The following DCDC1 variants were observed in gnomAD, a reference collection of about 807,000 sequenced individuals.
The protein encoded by DCDC1 is doublecortin domain-containing protein 1.
Under a neutral mutation model 178.3 loss-of-function variants are expected in DCDC1, and 200 were observed. That is an observed-to-expected ratio of 1.12 (90% CI 1.00 to 1.26). The LOEUF is 1.26. Ranked by LOEUF, DCDC1 falls within the 50% of genes most tolerant of loss-of-function variation. The pLI is 0.00. For missense variants in DCDC1, 1,983 were observed against 1,749.2 expected, an observed-to-expected ratio of 1.13 and a Z score of -2.38; for synonymous variants, 690 against 604.8, an observed-to-expected ratio of 1.14 and a Z score of -2.07.
chr11:30,950,534 T>A (rs542277259), intron 21 of DCDC1, among the ~76,000 whole-genome samples: 4 of 152,246 alleles, frequency 2.6e-5, no homozygotes, highest in East Asian at 1.9e-4. Flanking sequence ...AAGAATGCAA[T>A]CCTGTCATTT....
At chr11:31,061,865 G>T (rs1955938395) in intron 20 of DCDC1, among the ~76,000 whole-genome samples, 2 of 152,008 alleles carry the variant, frequency 1.3e-5, no homozygotes, top group African/African-American at 4.8e-5. Flanking sequence ...TAGGTCTTCT[G>T]GTATGGCAGC....
Position 31,046,276 on chromosome 11 carries a change from G to T in DCDC1, c.2591+18193C>A, listed in dbSNP as rs542842982. Among the ~76,000 whole-genome samples the T allele has an allele frequency of 4.8e-4, 73 of 152,204 alleles. 1 individual carries two copies. Among genetic ancestry groups the T allele is most frequent in the African/African-American group, 1.7e-3 (69 of 41,558 alleles). ...CTGTGGTTCATACAAGTTGTTGTGT[G>T]TCTCAAGAGTTTATTCCTTCTTAAT... On this transcript the variant is annotated intron_variant, in intron 20 of 38. Coordinates refer to ENST00000684477, the MANE Select transcript of DCDC1 (RefSeq NM_001387274.1).
chr11:31,132,968 A>T (rs1309912203), intron 10 of DCDC1, among the ~76,000 whole-genome samples: 1 of 152,236 alleles, frequency 6.6e-6, no homozygotes, highest in Non-Finnish European at 1.5e-5. Flanking sequence ...AGGTTTTTGC[A>T]TAACATGTAG....
At chr11:30,929,894 A>T (rs1439917785) in intron 22 of DCDC1, among the ~76,000 whole-genome samples, 3 of 152,084 alleles carry the variant, frequency 2.0e-5, no homozygotes, top group Non-Finnish European at 1.5e-5. Context: ...CGACTAAGTA[A>T]TGAACAAATA....
chr11:31,030,324 A>G (rs973575371), intron 20 of DCDC1, among the ~76,000 whole-genome samples: 4 of 152,134 alleles, frequency 2.6e-5, no homozygotes, highest in Admixed American at 6.6e-5. Flanking sequence ...CAGTTGGTAG[A>G]CATAAATTAA....
intron 9 of DCDC1, among the ~76,000 whole-genome samples, chr11:31,201,155 A>G (rs975972539): frequency 2.0e-5 from 3 of 152,058 alleles, no homozygotes; most frequent in Non-Finnish European, 4.4e-5. Context: ...TAAATGCCCA[A>G]TGGATAAATG....
Position 31,300,731 on chromosome 11 carries a change from C to T in DCDC1, c.754+4884G>A, listed in dbSNP as rs141210064. Among the ~76,000 whole-genome samples the T allele has an allele frequency of 1.1e-4, 16 of 152,106 alleles. No individual in the cohort carries two copies. The East Asian group carries it at 2.9e-3, about 28-fold the overall frequency. On this transcript the variant is annotated intron_variant, in intron 6 of 38. Transcript: ENST00000684477. ...ATGAATTCTCAGGTAAAGTAACAAG[C>T]AGCATAGGCAGACAACTAAGTGATT...
chr11:31,264,650 G>C lies in DCDC1; in HGVS notation c.1054+857C>G, dbSNP rs558276753. Among the ~76,000 whole-genome samples, 10 of 152,264 alleles carry C rather than the reference G, an allele frequency of 6.6e-5. No individual in the cohort carries two copies. The South Asian group carries it at 1.9e-3, about 28-fold the overall frequency. ...TAAGTTAATGTTTGTGATAAGCTTA[G>C]AATAGTGCCTGGTCCAGAATAAGTA... On this transcript the variant is annotated intron_variant, in intron 8 of 38. Transcript: ENST00000684477.
intron 31 of DCDC1, 86 bp from the exon 32 acceptor site, chr11:30,903,769 GAAAAA>G: frequency 9.6e-7 from 1 of 1,044,806 alleles, no homozygotes; most frequent in Non-Finnish European, 1.3e-6. Flanking sequence ...CTAAAAATCT[GAAAAA>G]AAAAATAATT....
Position 30,892,852 on chromosome 11 carries a change from T to C in DCDC1, c.5048A>G (p.Asp1683Gly), listed in dbSNP as rs1362812854. The change falls in exon 36 of 39, where the codon GAT becomes GGT. Residue 1683 changes from aspartate to glycine, a missense_variant. Transcript: ENST00000684477. The stretch of plus-strand genomic sequence containing the variant: ...AGTTTTGCCCCAGGCATAAGTGCCA[T>C]CTTCAGGTCTGCCTCCATTTAGATA... ...WIYLNGGRPE[D>G]GTYAWGKTIS... 6.2e-7 allele frequency: 1 copy of C among 1,613,936 alleles called. No individual in the cohort carries two copies.
intron 9 of DCDC1, among the ~76,000 whole-genome samples, chr11:31,173,856 A>T (rs1211720861): frequency 6.6e-6 from 1 of 152,026 alleles, no homozygotes; most frequent in Non-Finnish European, 1.5e-5. Flanking sequence ...GAATGTGCAT[A>T]TTCTATAAAG....
At position 31,341,644 on chromosome 11, in the gene DCDC1, A is replaced by T. The variant is rs149835380; in HGVS notation, c.-124-6080T>A. On this transcript the variant is annotated intron_variant, in intron 1 of 38. Transcript: ENST00000684477. Reference sequence around the variant, plus strand: ...CCGTAGGCAATTTTAACACTATAGTAAGTATTTGTGTATCTAAACATAGAA... The same window carrying T: ...CCGTAGGCAATTTTAACACTATAGTTAGTATTTGTGTATCTAAACATAGAA... 3.9e-3 allele frequency among the ~76,000 whole-genome samples: 599 copies of T among 152,268 alleles called. 5 individuals carry two copies. The highest frequency in any genetic ancestry group is 6.9e-3 in the Non-Finnish European group (472 of 68,030).
chr11:31,217,912 C>G (rs1973780562), intron 9 of DCDC1, among the ~76,000 whole-genome samples: 1 of 151,994 alleles, frequency 6.6e-6, no homozygotes. Context: ...TATCTCTGCC[C>G]ATGTCTCCCA....
chr11:31,296,971 A>G (rs1293936731), intron 6 of DCDC1, among the ~76,000 whole-genome samples: 2 of 152,176 alleles, frequency 1.3e-5, no homozygotes, highest in Non-Finnish European at 2.9e-5. Context: ...GAGCCAGACC[A>G]TATCAACCAG....
At chr11:30,977,957 A>T (rs1950190765) in intron 20 of DCDC1, among the ~76,000 whole-genome samples, 1 of 152,198 alleles carries the variant, frequency 6.6e-6, no homozygotes. Context: ...TAAGAAATGT[A>T]ATTGCTAAGT....
At chr11:31,135,911 G>A (rs1963071037) in intron 10 of DCDC1, among the ~76,000 whole-genome samples, 1 of 152,128 alleles carries the variant, frequency 6.6e-6, no homozygotes, top group East Asian at 1.9e-4. Flanking sequence ...CTACGTATTT[G>A]CTATACTGAT....
chr11:31,008,594 C>T (rs1951991375), intron 20 of DCDC1, among the ~76,000 whole-genome samples: 1 of 152,154 alleles, frequency 6.6e-6, no homozygotes, highest in African/African-American at 2.4e-5. Context: ...GACATTCCGC[C>T]TCAGTTTCTT....
intron 24 of DCDC1, among the ~76,000 whole-genome samples, chr11:30,921,494 A>G (rs941819068): frequency 6.6e-6 from 1 of 152,214 alleles, no homozygotes; most frequent in Non-Finnish European, 1.5e-5. Context: ...TTGACATTCA[A>G]ACAGCATACT....
At position 30,906,587 on chromosome 11, in the gene DCDC1, G is replaced by A; in HGVS notation, c.4057C>T (p.Gln1353Ter). 6.2e-7 allele frequency: 1 copy of A among 1,613,282 alleles called. No homozygotes were observed. The highest frequency in any genetic ancestry group is 8.5e-7 in the Non-Finnish European group (1 of 1,179,602). ...AAGGGCCCTTGTAAGAAGGGCTTCT[G>A]AGTCTTGGTGCCTGAAATACAGAGG... The part of the protein sequence containing the change: ...PFLCISGTKT[Q>*]KPFLQGPFKV... The change falls in exon 30 of 39, where the codon CAG (glutamine) becomes TAG (stop). Residue 1353 changes from glutamine to a stop codon, truncating the protein, a stop_gained. Transcript: ENST00000684477. LOFTEE classifies it high-confidence loss of function.
Sources: allele counts gnomAD v4.1 joint callset (sites outside exome capture counted in the v4.1 genomes callset), GRCh38; gene constraint gnomAD v4.1.1; transcripts MANE v1.5; gene names NCBI Gene and HGNC (gene_info 2026-07-23, HGNC 2026-07-21).